The following RAB11FIP3 variants were observed in gnomAD, a reference collection of about 807,000 sequenced individuals.
RAB11FIP3 encodes the protein RAB11 family interacting protein 3.
Under a neutral mutation model 77.8 loss-of-function variants are expected in RAB11FIP3, and 17 were observed. The ratio of observed to expected loss-of-function variants is 0.22; its 90% confidence interval spans 0.15 to 0.33. The LOEUF (loss-of-function observed/expected upper bound fraction) is 0.33. RAB11FIP3 is among the 10% of genes least tolerant of loss of function. RAB11FIP3 has a pLI of 1.00. For missense variants in RAB11FIP3, 1,005 were observed against 1,011.2 expected (o/e 0.99, Z 0.08); for synonymous variants, 437 against 448.2 (o/e 0.98, Z 0.31).
chr16:469,015 C>T (rs1032878388), intron 2 of RAB11FIP3, among the ~76,000 whole-genome samples: 11 of 152,186 alleles, frequency 7.2e-5, no homozygotes, highest in East Asian at 1.9e-4. Context: ...TGTTTATAAG[C>T]GCAGGCAAGA....
intron 4 of RAB11FIP3, among the ~76,000 whole-genome samples, chr16:484,643 G>A (rs1027351253): frequency 6.6e-6 from 1 of 152,188 alleles, no homozygotes; most frequent in Non-Finnish European, 1.5e-5. Context: ...GTGAGCCACC[G>A]CGTCTGGCCG....
chr16:486,005 G>C (rs2056146838), intron 4 of RAB11FIP3, among the ~76,000 whole-genome samples: 1 of 152,202 alleles, frequency 6.6e-6, no homozygotes, highest in Non-Finnish European at 1.5e-5. Context: ...AGATTCAAGT[G>C]ATTCTCTTGC....
rs142875972 is a variant in RAB11FIP3 at position 463,430 on chromosome 16, GTTTTTTTT to G, written c.808+1951_808+1958del. 3.2e-4 allele frequency among the ~76,000 whole-genome samples: 26 copies of G among 82,272 alleles called. No homozygotes were observed. In the Admixed American group the frequency reaches 3.3e-3, roughly 10 times the overall value. 54.0% of individuals were successfully genotyped at this position (82,272 alleles called of 152,430 possible). ...GAAACGTGCTGTGTGTTGTTCCCCG[GTTTTTTTT>G]TTTTTTTTTTTTTTTTTGAGACAGA... On this transcript the variant is annotated intron_variant, in intron 2 of 13. Coordinates refer to ENST00000262305, the MANE Select transcript of RAB11FIP3 (RefSeq NM_014700.4).
chr16:468,517 C>T (rs2055757540), intron 2 of RAB11FIP3, among the ~76,000 whole-genome samples: 1 of 152,114 alleles, frequency 6.6e-6, no homozygotes, highest in Non-Finnish European at 1.5e-5. Flanking sequence ...CCAAACCGCA[C>T]TTCAGCCAAA....
intron 3 of RAB11FIP3, among the ~76,000 whole-genome samples, chr16:477,881 C>T (rs2055950726): frequency 6.6e-6 from 1 of 152,230 alleles, no homozygotes; most frequent in South Asian, 2.1e-4. Flanking sequence ...CACTCGCACC[C>T]TGCAGTCCTT....
rs564118681 is a variant in RAB11FIP3, at chr16:510,091, C to T, written c.1500-569C>T. On this transcript the variant is annotated intron_variant, in intron 8 of 13. Transcript: ENST00000262305. The stretch of plus-strand genomic sequence containing the variant: ...TTGTGTGTAGTGGCCCTGGCACCTC[C>T]ACGCCCCGTCCCGAGTCCCCGTGCC... Among the ~76,000 whole-genome samples, 6 of 150,608 alleles carry T rather than the reference C, an allele frequency of 4.0e-5. 1 individual carries two copies. Among genetic ancestry groups the T allele is most frequent in the Admixed American group, 4.0e-4 (6 of 15,174 alleles).
At chr16:517,208 G>A (rs978874648) in intron 9 of RAB11FIP3, among the ~76,000 whole-genome samples, 3 of 152,146 alleles carry the variant, frequency 2.0e-5, no homozygotes, top group Admixed American at 1.3e-4. Context: ...AGGCCTGCTC[G>A]ACACCGTCAA....
chr16:441,643 C>A (rs1028610388), intron 1 of RAB11FIP3, among the ~76,000 whole-genome samples: 1 of 152,238 alleles, frequency 6.6e-6, no homozygotes, highest in African/African-American at 2.4e-5. Context: ...TTGGTGCCAG[C>A]TGCTCCTCTG....
intron 3 of RAB11FIP3, among the ~76,000 whole-genome samples, chr16:474,272 C>G (rs567283859): frequency 1.3e-5 from 2 of 152,304 alleles, no homozygotes; most frequent in South Asian, 4.2e-4. Context: ...TGGTTCCAGT[C>G]AGACCCATTT....
rs141168115 is a variant in RAB11FIP3 at position 446,022 on chromosome 16, T to C, written c.715-15382T>C. 1.1e-3 allele frequency among the ~76,000 whole-genome samples: 170 copies of C among 152,184 alleles called. 1 individual carries two copies. Among genetic ancestry groups the C allele is most frequent in the African/African-American group, 4.0e-3 (168 of 41,540 alleles). The stretch of plus-strand genomic sequence containing the variant: ...AGAGACGAGGGTGCATCATAGAATT[T>C]GGGGACGTTGGGTCCTACTTGCTCT... On this transcript the variant is annotated intron_variant, in intron 1 of 13. Coordinates refer to ENST00000262305, the MANE Select transcript of RAB11FIP3 (RefSeq NM_014700.4).
At position 426,840 on chromosome 16, in the gene RAB11FIP3, G is replaced by A. The variant is rs1362370557; in HGVS notation, c.714+120G>A. 1.5e-5 allele frequency: 11 copies of A among 734,582 alleles called. No homozygotes were observed. Among genetic ancestry groups the A allele is most frequent in the African/African-American group, 1.5e-4 (8 of 54,858 alleles). 45.5% of individuals were successfully genotyped at this position (734,582 alleles called of 1,614,324 possible). A position where few individuals can be genotyped will look rare whatever the true frequency, so the allele number is the denominator to read the frequency against. ...GGGAAAGGCACTGTCAAGACCTGAC[G>A]GTCCTGCTTTTTCTGCTTATTCACC... On this transcript the variant is annotated intron_variant, in intron 1 of 13. Coordinates refer to ENST00000262305, the MANE Select transcript of RAB11FIP3 (RefSeq NM_014700.4). This position sits in a 1 kb window ranked among gnomAD's most constrained non-coding sequence, Gnocchi z 5.0.
intron 1 of RAB11FIP3, among the ~76,000 whole-genome samples, chr16:443,518 C>G (rs1328903636): frequency 6.6e-6 from 1 of 152,158 alleles, no homozygotes; most frequent in Non-Finnish European, 1.5e-5. Context: ...CATATTGTTA[C>G]CACCTCTCGA....
intron 8 of RAB11FIP3, among the ~76,000 whole-genome samples, chr16:508,490 C>T (rs1017130484): frequency 1.3e-5 from 2 of 152,252 alleles, no homozygotes; most frequent in African/African-American, 4.8e-5. Flanking sequence ...TCTCCTGCCT[C>T]AGCCTCCCAA....
In RAB11FIP3 at chr16:507,052, G is replaced by A. The variant is rs2031909809; in HGVS notation, c.1499+1425G>A. Among the ~76,000 whole-genome samples, 1 of 151,746 alleles carries A rather than the reference G, an allele frequency of 6.6e-6. No homozygotes were observed. Among genetic ancestry groups the A allele is most frequent in the African/African-American group, 2.4e-5 (1 of 41,252 alleles). On this transcript the variant is annotated intron_variant, in intron 8 of 13. Transcript: ENST00000262305. This position sits in a 1 kb window ranked among gnomAD's most constrained non-coding sequence, Gnocchi z 4.6. ...CAGCCTCCACCTCCCAGGCTCAAGC[G>A]ACCCGCCTCCCTCAGCCTTCGATGT...
At chr16:475,723 C>T (rs1198957779) in intron 3 of RAB11FIP3, among the ~76,000 whole-genome samples, 1 of 152,178 alleles carries the variant, frequency 6.6e-6, no homozygotes, top group Non-Finnish European at 1.5e-5. Flanking sequence ...TGGACGTCCA[C>T]AACCCCAGAG....
chr16:482,763 G>T, intron 4 of RAB11FIP3, 27 bp downstream of exon 4: 1 of 1,563,258 alleles, frequency 6.4e-7, no homozygotes, highest in Non-Finnish European at 8.6e-7. Flanking sequence ...GGGCCTCCTG[G>T]AGAGGCCTTG....
intron 2 of RAB11FIP3, among the ~76,000 whole-genome samples, chr16:463,923 C>G (rs988457439): frequency 6.6e-6 from 1 of 152,042 alleles, no homozygotes; most frequent in Admixed American, 6.6e-5. Flanking sequence ...CGTAGCAGGC[C>G]GGGGGTGAGA....
chr16:503,421 G>A (rs1306910737), intron 7 of RAB11FIP3, among the ~76,000 whole-genome samples: 3 of 152,150 alleles, frequency 2.0e-5, no homozygotes, highest in Non-Finnish European at 2.9e-5. Context: ...CAGACATTCA[G>A]TCCACCAGGC....
At chr16:431,830 C>G (rs1056398841) in intron 1 of RAB11FIP3, among the ~76,000 whole-genome samples, 1 of 151,276 alleles carries the variant, frequency 6.6e-6, no homozygotes, top group Non-Finnish European at 1.5e-5. Flanking sequence ...GATCTTGGCT[C>G]GCTGCAAGCT....
Sources: allele counts gnomAD v4.1 joint callset (sites outside exome capture counted in the v4.1 genomes callset), GRCh38; gene constraint gnomAD v4.1.1; non-coding constraint Gnocchi (gnomAD v3.1); transcripts MANE v1.5; gene names NCBI Gene and HGNC (gene_info 2026-07-23, HGNC 2026-07-21).